Variants in NRG3 observed in about 807,000 individuals in gnomAD.
NRG3 encodes the protein pro-neuregulin-3, membrane-bound isoform.
Under a neutral mutation model 66.9 loss-of-function variants are expected in NRG3, and 31 were observed. That is an observed-to-expected ratio of 0.46 (90% CI 0.35 to 0.63). The LOEUF (loss-of-function observed/expected upper bound fraction) is 0.63. Ranked by LOEUF, NRG3 falls within the 20% of genes least tolerant of loss-of-function variation. NRG3 has a pLI of 0.00. For synonymous variants in NRG3, 393 were observed against 359.4 expected (o/e 1.09, Z -1.06); for missense variants, 910 against 878.9 (o/e 1.04, Z -0.45).
chr10:82,636,492 C>T (rs1248054075), intron 2 of NRG3, among the ~76,000 whole-genome samples: 1 of 152,114 alleles, frequency 6.6e-6, no homozygotes, highest in Non-Finnish European at 1.5e-5. Context: ...ATGAGATGTT[C>T]ACATATAAGT....
At chr10:81,898,211 T>C (rs897693778) in intron 1 of NRG3, among the ~76,000 whole-genome samples, 3 of 151,976 alleles carry the variant, frequency 2.0e-5, no homozygotes, top group African/African-American at 7.3e-5. Flanking sequence ...AGGAAGAAAG[T>C]GAGGGGGAAG....
At chr10:82,705,385 G>T (rs12263960) in intron 2 of NRG3, among the ~76,000 whole-genome samples, 2 of 151,448 alleles carry the variant, frequency 1.3e-5, no homozygotes, top group African/African-American at 2.5e-5. Context: ...CAGAGGCTGT[G>T]GGGGGCAGAG....
intron 2 of NRG3, among the ~76,000 whole-genome samples, chr10:82,677,917 G>C (rs113544907): frequency 2.0e-5 from 3 of 152,118 alleles, no homozygotes; most frequent in African/African-American, 4.8e-5. Flanking sequence ...CCTTTGGAGC[G>C]GGCTGCCCAC....
At chr10:81,976,035 T>G (rs1197427492) in intron 1 of NRG3, among the ~76,000 whole-genome samples, 3 of 152,194 alleles carry the variant, frequency 2.0e-5, no homozygotes, top group African/African-American at 4.8e-5. Flanking sequence ...TGTTACAACC[T>G]GATTTTAGCC....
At chr10:82,735,324 A>G (rs1455144193) in intron 2 of NRG3, among the ~76,000 whole-genome samples, 1 of 152,180 alleles carries the variant, frequency 6.6e-6, no homozygotes, top group African/African-American at 2.4e-5. Flanking sequence ...GATTTTTCAT[A>G]TAATTTCTGT....
intron 3 of NRG3, among the ~76,000 whole-genome samples, chr10:82,755,442 T>A (rs1565279982): frequency 6.6e-6 from 1 of 152,090 alleles, no homozygotes; most frequent in Non-Finnish European, 1.5e-5. Flanking sequence ...TCTCAGCCTC[T>A]CTGCCCAAAA....
At chr10:82,340,583 A>T (rs2082635390) in intron 1 of NRG3, among the ~76,000 whole-genome samples, 1 of 152,222 alleles carries the variant, frequency 6.6e-6, no homozygotes, top group African/African-American at 2.4e-5. Flanking sequence ...TTCATGAAGG[A>T]ATCTGAAGAA....
At chr10:82,737,537 AT>A (rs879523082) in intron 2 of NRG3, among the ~76,000 whole-genome samples, 2 of 152,012 alleles carry the variant, frequency 1.3e-5, no homozygotes, top group Admixed American at 6.6e-5. Flanking sequence ...TTTAAATCTG[AT>A]TTTTTTTAAT....
chr10:82,048,746 A>G (rs924965553), intron 1 of NRG3, among the ~76,000 whole-genome samples: 4 of 151,744 alleles, frequency 2.6e-5, no homozygotes, highest in African/African-American at 9.7e-5. Context: ...AAATAACTAA[A>G]ATCAGAGCAG....
chr10:82,421,184 A>G (rs1311186600), intron 2 of NRG3, among the ~76,000 whole-genome samples: 2 of 152,154 alleles, frequency 1.3e-5, no homozygotes, highest in Non-Finnish European at 2.9e-5. Flanking sequence ...AAAATAAATA[A>G]GTATTAACAC....
intron 1 of NRG3, among the ~76,000 whole-genome samples, chr10:82,048,968 A>T (rs1188364972): frequency 1.3e-5 from 2 of 152,168 alleles, no homozygotes; most frequent in Non-Finnish European, 2.9e-5. Flanking sequence ...AATACTACAA[A>T]CAACTACACA....
chr10:82,072,234 C>T (rs1286157133), intron 1 of NRG3, among the ~76,000 whole-genome samples: 2 of 152,170 alleles, frequency 1.3e-5, no homozygotes, highest in Non-Finnish European at 2.9e-5. Flanking sequence ...ACAGGACTTT[C>T]TGAAAGATTG....
At chr10:81,934,394 A>G (rs932305289) in intron 1 of NRG3, among the ~76,000 whole-genome samples, 26 of 152,034 alleles carry the variant, frequency 1.7e-4, no homozygotes, top group Admixed American at 1.7e-3. Context: ...TGAATTTTGC[A>G]TTTCCTTCTA....
chr10:82,503,996 T>A (rs930000445), intron 2 of NRG3, among the ~76,000 whole-genome samples: 1 of 152,184 alleles, frequency 6.6e-6, no homozygotes, highest in African/African-American at 2.4e-5. Context: ...CACTCTTACT[T>A]CTCAGTTTGC....
Position 81,938,185 on chromosome 10 carries a change from T to A in NRG3, c.823+62022T>A, listed in dbSNP as rs1336231129. On this transcript the variant is annotated intron_variant, in intron 1 of 8. Transcript: ENST00000372141. ...GAATCATGAGGCTTGCAGCTTTGCT[T>A]TTCTTTCTTTGTTTTGGCTATTCAG... Among the ~76,000 whole-genome samples the A allele has an allele frequency of 2.0e-5, 3 of 152,134 alleles. No individual in the cohort carries two copies. The East Asian group carries it at 5.8e-4, about 29-fold the overall frequency.
intron 2 of NRG3, among the ~76,000 whole-genome samples, chr10:82,679,004 C>A (rs994008497): frequency 6.6e-6 from 1 of 152,126 alleles, no homozygotes; most frequent in African/African-American, 2.4e-5. Context: ...TGTTGTTAGA[C>A]CTGGATTTCA....
intron 1 of NRG3, among the ~76,000 whole-genome samples, chr10:82,316,425 GA>G (rs1312551169): frequency 3.9e-5 from 6 of 152,054 alleles, no homozygotes; most frequent in African/African-American, 1.2e-4. Flanking sequence ...GATGTCTTAT[GA>G]AAAAAAGTAG....
intron 1 of NRG3, among the ~76,000 whole-genome samples, chr10:82,094,497 A>G (rs1325658283): frequency 6.6e-6 from 1 of 152,196 alleles, no homozygotes; most frequent in Non-Finnish European, 1.5e-5. Flanking sequence ...CTGGGTATCT[A>G]CCCAAAGGAA....
chr10:82,025,303 C>T (rs1013749861), intron 1 of NRG3, among the ~76,000 whole-genome samples: 18 of 151,108 alleles, frequency 1.2e-4, no homozygotes, highest in Admixed American at 8.6e-4. Context: ...AAGAAATACT[C>T]TAGCCATATC....
Sources: allele counts gnomAD v4.1 joint callset (sites outside exome capture counted in the v4.1 genomes callset), GRCh38; gene constraint gnomAD v4.1.1; transcripts MANE v1.5; gene names NCBI Gene and HGNC (gene_info 2026-07-23, HGNC 2026-07-21).